COMMD1: variants seen among roughly 807,000 people sequenced by gnomAD.
COMMD1 encodes copper metabolism domain containing 1, also known as COMM domain-containing protein 1.
Under a neutral mutation model 17.2 loss-of-function variants are expected in COMMD1, and 10 were observed. That is an observed-to-expected ratio of 0.58 (90% CI 0.36 to 0.99). The LOEUF is 0.99. Ranked by LOEUF, COMMD1 falls within the 50% of genes least tolerant of loss-of-function variation. COMMD1 has a pLI of 0.01. For synonymous variants in COMMD1, 97 were observed against 91.6 expected, an observed-to-expected ratio of 1.06 and a Z score of -0.34; for missense variants, 270 against 231.8, an observed-to-expected ratio of 1.17 and a Z score of -1.07.
chr2:61,924,679 A>G (rs1370835752), intron 1 of COMMD1, among the ~76,000 whole-genome samples: 1 of 152,176 alleles, frequency 6.6e-6, no homozygotes, highest in Non-Finnish European at 1.5e-5. Flanking sequence ...TGCGATGGCA[A>G]AAGTTGTAAA....
At chr2:61,920,175 A>G (rs1191261131) in intron 1 of COMMD1, among the ~76,000 whole-genome samples, 1 of 152,138 alleles carries the variant, frequency 6.6e-6, no homozygotes, top group African/African-American at 2.4e-5. Context: ...AGGCTCAGGA[A>G]TATTCTCCTG....
intron 2 of COMMD1, among the ~76,000 whole-genome samples, chr2:62,120,150 G>A (rs191614965): frequency 6.6e-6 from 1 of 152,106 alleles, no homozygotes; most frequent in Admixed American, 6.5e-5. Flanking sequence ...ACAGGTGTGC[G>A]CCAGCACACT....
At chr2:61,960,177 A>G (rs193166152) in intron 1 of COMMD1, among the ~76,000 whole-genome samples, 2 of 152,114 alleles carry the variant, frequency 1.3e-5, no homozygotes, top group African/African-American at 4.8e-5. Context: ...ATAGTAAGAA[A>G]TTGTGACTTT....
intron 2 of COMMD1, among the ~76,000 whole-genome samples, chr2:62,102,541 A>G (rs994983953): frequency 6.6e-6 from 1 of 152,100 alleles, no homozygotes; most frequent in African/African-American, 2.4e-5. Context: ...TCAGAAAACA[A>G]TACCCCAAAA....
chr2:62,082,262 CT>C (rs1165544592), intron 2 of COMMD1, among the ~76,000 whole-genome samples: 1 of 152,186 alleles, frequency 6.6e-6, no homozygotes, highest in Non-Finnish European at 1.5e-5. Flanking sequence ...TGCATACATA[CT>C]TTGCTGATAC....
intron 2 of COMMD1, among the ~76,000 whole-genome samples, chr2:62,003,638 A>ACC (rs1553378188): frequency 4.0e-5 from 6 of 148,466 alleles, no homozygotes; most frequent in Admixed American, 2.7e-4. Flanking sequence ...ACACACACAC[A>ACC]CACCCAACAG....
intron 2 of COMMD1, among the ~76,000 whole-genome samples, chr2:62,012,946 A>C (rs1386746787): frequency 1.3e-5 from 2 of 152,150 alleles, no homozygotes; most frequent in East Asian, 3.9e-4. Flanking sequence ...AGGCAGCCCC[A>C]GGAAGATCTG....
At chr2:61,896,792 CA>C (rs1161591720) in intron 1 of COMMD1, among the ~76,000 whole-genome samples, 4 of 151,264 alleles carry the variant, frequency 2.6e-5, no homozygotes, top group Non-Finnish European at 5.9e-5. Flanking sequence ...ATAAAACTCA[CA>C]TATGAAAGGT....
At chr2:61,898,467 C>A (rs185328802) in intron 1 of COMMD1, among the ~76,000 whole-genome samples, 2 of 152,178 alleles carry the variant, frequency 1.3e-5, no homozygotes, top group African/African-American at 4.8e-5. Context: ...CAGAGTGAGA[C>A]CCTGTCTCAA....
chr2:61,928,706 A>C (rs1670390252), intron 1 of COMMD1: 1 of 152,202 alleles, frequency 6.6e-6, no homozygotes, highest in African/African-American at 2.4e-5. Flanking sequence ...ACCAGCCTTG[A>C]ATATTTTTTA....
intron 1 of COMMD1, among the ~76,000 whole-genome samples, chr2:61,915,924 A>G (rs1670036325): frequency 6.6e-6 from 1 of 151,824 alleles, no homozygotes; most frequent in African/African-American, 2.4e-5. Context: ...CTCCTGCCTC[A>G]GCCTCCTAAA....
intron 2 of COMMD1, among the ~76,000 whole-genome samples, chr2:62,030,364 G>A (rs767872841): frequency 6.6e-6 from 1 of 152,194 alleles, no homozygotes; most frequent in African/African-American, 2.4e-5. Flanking sequence ...AGAGACAGGA[G>A]AGCAGAAGTC....
At chr2:62,000,213 T>A (rs1668886729) in intron 1 of COMMD1, among the ~76,000 whole-genome samples, 1 of 152,010 alleles carries the variant, frequency 6.6e-6, no homozygotes, top group Admixed American at 6.6e-5. Context: ...TGTGAGCCAC[T>A]GTACCTGGCC....
intron 2 of COMMD1, among the ~76,000 whole-genome samples, chr2:62,036,377 T>G (rs144456517): frequency 7.4e-4 from 112 of 152,298 alleles, no homozygotes; most frequent in African/African-American, 2.6e-3. Flanking sequence ...GAGAAAAAAA[T>G]TACTTGCTTT....
intron 2 of COMMD1, among the ~76,000 whole-genome samples, chr2:62,077,748 G>A (rs1671385927): frequency 6.6e-6 from 1 of 152,076 alleles, no homozygotes; most frequent in Non-Finnish European, 1.5e-5. Context: ...CTCTCAGAAG[G>A]TCCTGAGAAC....
chr2:62,128,901 G>A (rs1346318549), intron 2 of COMMD1, among the ~76,000 whole-genome samples: 2 of 149,910 alleles, frequency 1.3e-5, no homozygotes, highest in Non-Finnish European at 2.9e-5. Context: ...GCAGTGAGCC[G>A]AGATCACGCC....
At chr2:62,125,496 A>G (rs1366512836) in intron 2 of COMMD1, among the ~76,000 whole-genome samples, 1 of 152,136 alleles carries the variant, frequency 6.6e-6, no homozygotes, top group Non-Finnish European at 1.5e-5. Context: ...TGCTCTCTGA[A>G]CATAGTAGAT....
chr2:61,933,764 C>CTTTTTT (rs1670530546), intron 1 of COMMD1, among the ~76,000 whole-genome samples: 1 of 133,664 alleles, frequency 7.5e-6, no homozygotes, highest in Admixed American at 7.0e-5. Flanking sequence ...TTTTGTTTTT[C>CTTTTTT]TTTTTTTCTT....
intron 1 of COMMD1, among the ~76,000 whole-genome samples, chr2:61,913,665 G>A (rs1297269948): frequency 2.6e-5 from 4 of 151,348 alleles, no homozygotes; most frequent in African/African-American, 9.7e-5. Flanking sequence ...GCATGGTGGC[G>A]GGCTTCTATA....
Sources: allele counts gnomAD v4.1 joint callset (sites outside exome capture counted in the v4.1 genomes callset), GRCh38; gene constraint gnomAD v4.1.1; transcripts MANE v1.5; gene names NCBI Gene and HGNC (gene_info 2026-07-23, HGNC 2026-07-21).